AFF3: variants seen among roughly 807,000 people sequenced by gnomAD.
AFF3 encodes the protein ALF transcription elongation factor 3, also known as AF4/FMR2 family member 3.
AFF3 carries 32 observed loss-of-function variants against 129.7 expected under a neutral mutation model. That is an observed-to-expected ratio of 0.25 (90% confidence interval 0.19 to 0.33). AFF3 has a LOEUF of 0.33. Ranked by LOEUF, AFF3 falls within the 10% of genes least tolerant of loss-of-function variation. The pLI is 1.00. For synonymous variants in AFF3, 644 were observed against 635.4 expected (o/e 1.01, Z -0.20); for missense variants, 1,373 against 1,592.0 (o/e 0.86, Z 2.34).
Position 99,551,185 on chromosome 2 carries a change from C to A in AFF3, c.*289G>T. ...GTGTGTGTGTGTGTGTGTGTGTGTA[C>A]TTCCTCTAGTCAGAAACCTCTGATC... On this transcript the variant is annotated 3_prime_UTR_variant, in exon 25 of 25. Coordinates refer to ENST00000672756, the MANE Select transcript of AFF3 (RefSeq NM_001386135.1). 3.9e-6 allele frequency: 2 copies of A among 516,832 alleles called. No individual in the cohort carries two copies. 32.0% of individuals were successfully genotyped at this position (516,832 alleles called of 1,614,324 possible). A position where few individuals can be genotyped will look rare whatever the true frequency, so the allele number is the denominator to read the frequency against.
chr2:99,825,234 G>T (rs1687987999), intron 8 of AFF3, among the ~76,000 whole-genome samples: 2 of 152,080 alleles, frequency 1.3e-5, no homozygotes, highest in Admixed American at 1.3e-4. Flanking sequence ...ACTATAAAAA[G>T]GTAATTATGT....
rs146842623 is a variant in AFF3, at chr2:99,993,646, T to C, written c.873+12986A>G. 4.3e-3 allele frequency among the ~76,000 whole-genome samples: 644 copies of C among 151,442 alleles called. 13 individuals carry two copies. The highest frequency in any genetic ancestry group is 1.2e-3 in the Non-Finnish European group (80 of 67,812). ...CAAGAAAGGCTTAGGAAAATAACAG[T>C]GAATGTAGCTAAAAATACAGATCAA... On this transcript the variant is annotated intron_variant, in intron 7 of 24. Transcript: ENST00000672756.
intron 4 of AFF3, among the ~76,000 whole-genome samples, chr2:100,055,821 C>T (rs1686722322): frequency 1.3e-5 from 2 of 152,070 alleles, no homozygotes; most frequent in Admixed American, 6.6e-5. Flanking sequence ...AAGCAACAGG[C>T]CATTTTGCCC....
intron 4 of AFF3, among the ~76,000 whole-genome samples, chr2:100,018,801 CT>C (rs959149729): frequency 1.3e-5 from 2 of 152,034 alleles, no homozygotes; most frequent in African/African-American, 4.8e-5. Flanking sequence ...AAAGAGCTCC[CT>C]TCCCGGCAGC....
At chr2:99,645,898 A>G (rs962186801) in intron 13 of AFF3, among the ~76,000 whole-genome samples, 1 of 152,140 alleles carries the variant, frequency 6.6e-6, no homozygotes, top group African/African-American at 2.4e-5. Flanking sequence ...GAAAGACAAG[A>G]CTGACTTTCC....
intron 7 of AFF3, among the ~76,000 whole-genome samples, chr2:100,003,601 T>C (rs925367430): frequency 6.6e-6 from 1 of 152,204 alleles, no homozygotes; most frequent in African/African-American, 2.4e-5. Context: ...AAGAATTCTC[T>C]TGAGGTCTTT....
chr2:99,753,214 C>T (rs7599020), intron 8 of AFF3, among the ~76,000 whole-genome samples: 9,295 of 152,158 alleles, frequency 0.061, 962 homozygotes, highest in African/African-American at 0.21. Context: ...ATTCTCCTGC[C>T]TCAGCCTCCT....
At chr2:99,979,215 C>T (rs1298906108) in intron 7 of AFF3, among the ~76,000 whole-genome samples, 2 of 152,098 alleles carry the variant, frequency 1.3e-5, no homozygotes, top group African/African-American at 4.8e-5. Context: ...TGTGGGTTTA[C>T]AGCAAAGATT....
intron 7 of AFF3, among the ~76,000 whole-genome samples, chr2:99,969,430 C>A (rs1678117598): frequency 6.6e-6 from 1 of 152,200 alleles, no homozygotes; most frequent in Non-Finnish European, 1.5e-5. Flanking sequence ...ACCTGAAAAT[C>A]TGCACCATAT....
Position 99,998,527 on chromosome 2 carries a change from G to A in AFF3, c.873+8105C>T, listed in dbSNP as rs949516466. On this transcript the variant is annotated intron_variant, in intron 7 of 24. Coordinates refer to ENST00000672756, the MANE Select transcript of AFF3 (RefSeq NM_001386135.1). ...GGGCCTGTCTATACCTTTTGTCAGG[G>A]CTTATAGAGAGAAATAGCTGAATGC... Among the ~76,000 whole-genome samples the A allele has an allele frequency of 3.3e-5, 5 of 152,170 alleles. No individual in the cohort carries two copies. The South Asian group carries it at 1.0e-3, about 32-fold the overall frequency.
chr2:100,068,345 T>C (rs892713870), intron 4 of AFF3, among the ~76,000 whole-genome samples: 4 of 152,162 alleles, frequency 2.6e-5, no homozygotes, highest in African/African-American at 9.7e-5. Flanking sequence ...AGAAACAATC[T>C]GCCACTGGGA....
chr2:100,126,573 C>T (rs752872558), intron 2 of AFF3, among the ~76,000 whole-genome samples: 1 of 152,168 alleles, frequency 6.6e-6, no homozygotes, highest in Non-Finnish European at 1.5e-5. Flanking sequence ...GAGTTCACGT[C>T]GCTTTCTAAG....
At chr2:100,079,631 G>A (rs1218402723) in intron 4 of AFF3, among the ~76,000 whole-genome samples, 1 of 152,144 alleles carries the variant, frequency 6.6e-6, no homozygotes, top group Non-Finnish European at 1.5e-5. Context: ...GCAATATGAT[G>A]AACTGTACTT....
intron 8 of AFF3, among the ~76,000 whole-genome samples, chr2:99,821,621 C>A (rs1390968214): frequency 6.6e-6 from 1 of 152,196 alleles, no homozygotes; most frequent in African/African-American, 2.4e-5. Context: ...ATAGTCAATA[C>A]ATAAACCAGT....
At chr2:99,934,301 G>A (rs780600542) in intron 7 of AFF3, among the ~76,000 whole-genome samples, 8 of 152,102 alleles carry the variant, frequency 5.3e-5, no homozygotes, top group Non-Finnish European at 1.0e-4. Flanking sequence ...ACACTGACCC[G>A]ACAAATGGGC....
intron 7 of AFF3, among the ~76,000 whole-genome samples, chr2:99,904,847 G>T (rs1356778475): frequency 6.6e-6 from 1 of 151,926 alleles, no homozygotes; most frequent in Non-Finnish European, 1.5e-5. Context: ...CTTTTTCAGG[G>T]CCCCTTAGGT....
intron 11 of AFF3, among the ~76,000 whole-genome samples, chr2:99,711,316 C>T (rs1677870752): frequency 6.6e-6 from 1 of 152,162 alleles, no homozygotes; most frequent in Admixed American, 6.5e-5. Context: ...ACTCACTTCT[C>T]TGAGACCTCG....
chr2:99,784,238 C>T (rs1445230673), intron 8 of AFF3, among the ~76,000 whole-genome samples: 1 of 152,210 alleles, frequency 6.6e-6, no homozygotes, highest in African/African-American at 2.4e-5. Context: ...TGGATAGTTT[C>T]CCATCTAGAA....
chr2:99,811,932 T>C (rs1398000806), intron 8 of AFF3, among the ~76,000 whole-genome samples: 1 of 152,198 alleles, frequency 6.6e-6, no homozygotes, highest in Non-Finnish European at 1.5e-5. Flanking sequence ...ATGAGAGAAG[T>C]TGAGAACTTT....
Sources: allele counts gnomAD v4.1 joint callset (sites outside exome capture counted in the v4.1 genomes callset), GRCh38; gene constraint gnomAD v4.1.1; transcripts MANE v1.5; gene names NCBI Gene and HGNC (gene_info 2026-07-23, HGNC 2026-07-21).